TSNARE1: variants seen among roughly 807,000 people sequenced by gnomAD.
TSNARE1 encodes t-SNARE domain-containing protein 1.
TSNARE1 carries 49 observed loss-of-function variants against 62.0 expected under a neutral mutation model. The ratio of observed to expected loss-of-function variants is 0.79; its 90% CI spans 0.63 to 1.00. The LOEUF is 1.00. Among genes scored for constraint, TSNARE1 ranks in the 50% least tolerant of loss-of-function variants. The pLI, the probability that TSNARE1 is intolerant of heterozygous loss-of-function variation, is 0.00. For synonymous variants in TSNARE1, 328 were observed against 294.4 expected (o/e 1.11, Z -1.17); for missense variants, 755 against 700.1 (o/e 1.08, Z -0.88).
chr8:142,275,570 G>A, intron 11 of TSNARE1: 2 of 985,428 alleles, frequency 2.0e-6, no homozygotes, highest in Non-Finnish European at 2.4e-6. Flanking sequence ...CATGCCACCT[G>A]GGCACCAGGA....
chr8:142,331,021 CCT>C, intron 5 of TSNARE1, 51 bp from the exon 6 acceptor site: 1 of 1,545,758 alleles, frequency 6.5e-7, no homozygotes, highest in Middle Eastern at 1.7e-4. Flanking sequence ...TTCCCTGCCC[CCT>C]GCTACTCCAT....
At chr8:142,228,256 CTAAGCTT>C (rs1172827714) in intron 13 of TSNARE1, among the ~76,000 whole-genome samples, 1 of 152,242 alleles carries the variant, frequency 6.6e-6, no homozygotes, top group Non-Finnish European at 1.5e-5. Context: ...GTTTCAGCCA[CTAAGCTT>C]TAAGCTAACT....
intron 12 of TSNARE1, among the ~76,000 whole-genome samples, chr8:142,263,646 A>G (rs13260208): frequency 0.43 from 64,644 of 152,100 alleles, 14,714 homozygotes; most frequent in African/African-American, 0.58. Flanking sequence ...CACCATGGAA[A>G]GAATTTTTCC....
chr8:142,272,781 A>G (rs1263739924), intron 12 of TSNARE1: 1 of 974,210 alleles, frequency 1.0e-6, no homozygotes, highest in African/African-American at 1.8e-5. Flanking sequence ...GACTTCACAG[A>G]CACCTGGTCC....
Position 142,331,836 on chromosome 8 carries a change from G to C in TSNARE1, c.746-5C>G. 3.7e-6 allele frequency: 6 copies of C among 1,606,184 alleles called. No individual in the cohort carries two copies. Among genetic ancestry groups the C allele is most frequent in the Non-Finnish European group, 5.1e-6 (6 of 1,176,390 alleles). On this transcript the variant is annotated splice_polypyrimidine_tract_variant and splice_region_variant and intron_variant, in intron 4 of 13. Transcript: ENST00000524325. ...TGCACGGATCGACCTGGGTGGCTGG[G>C]AGAAGACAGGGAGGAGGAAAGAACA...
intron 13 of TSNARE1, among the ~76,000 whole-genome samples, chr8:142,223,062 A>T (rs1426244337): frequency 6.9e-6 from 1 of 144,826 alleles, no homozygotes; most frequent in Non-Finnish European, 1.5e-5. Flanking sequence ...TCACTCATTC[A>T]CTTACTCGCT....
chr8:142,402,109 A>AGGAGC (rs1838333827), intron 1 of TSNARE1, among the ~76,000 whole-genome samples: 1 of 152,194 alleles, frequency 6.6e-6, no homozygotes, highest in Non-Finnish European at 1.5e-5. Context: ...CCCCCAAGCC[A>AGGAGC]GGAGCGAGCC....
At position 142,300,571 on chromosome 8, in the gene TSNARE1, C is replaced by A. The variant is rs928565167; in HGVS notation, c.1205G>T (p.Gly402Val). 1 of 1,613,346 alleles carries A rather than the reference C, an allele frequency of 6.2e-7. No individual in the cohort carries two copies. Among genetic ancestry groups the A allele is most frequent in the Middle Eastern group, 1.6e-4 (1 of 6,062 alleles). The change falls in exon 10 of 14, where the codon GGC becomes GTC. Residue 402 changes from glycine (G) to valine (V), a missense_variant. Coordinates refer to ENST00000524325, the MANE Select transcript of TSNARE1 (RefSeq NM_145003.5). ...GTCCGGGAGCAGCGCCTGCTCCTGG[C>A]CCTGCCACATGTTGTCACTCCCGTT... ...VFNGSDNMWQGQEQALLPDIT... is the reference protein window; with the variant it reads ...VFNGSDNMWQVQEQALLPDIT...
chr8:142,363,519 C>T (rs1482619169), intron 1 of TSNARE1, among the ~76,000 whole-genome samples: 1 of 152,160 alleles, frequency 6.6e-6, no homozygotes, highest in Admixed American at 6.5e-5. Context: ...CCAGCCCCCA[C>T]AGAGCCCCTT....
chr8:142,222,077 T>C (rs1205781213), intron 13 of TSNARE1, among the ~76,000 whole-genome samples: 99 of 51,842 alleles, frequency 1.9e-3, no homozygotes, highest in East Asian at 2.6e-3. Flanking sequence ...ACTCACTCAC[T>C]CACTCCTTCA....
intron 12 of TSNARE1, among the ~76,000 whole-genome samples, chr8:142,253,154 C>A (rs554437964): frequency 1.3e-5 from 2 of 152,162 alleles, no homozygotes; most frequent in Non-Finnish European, 2.9e-5. Flanking sequence ...GGTGAGAGTG[C>A]GGAGGTGGAC....
intron 1 of TSNARE1, among the ~76,000 whole-genome samples, chr8:142,390,153 A>G (rs1837386557): frequency 6.6e-6 from 1 of 152,280 alleles, no homozygotes; most frequent in Non-Finnish European, 1.5e-5. Flanking sequence ...CGGGGCTTGC[A>G]GGACTAGAAG....
intron 12 of TSNARE1, chr8:142,273,369 C>T (rs1230948685): frequency 4.8e-5 from 47 of 985,252 alleles, no homozygotes; most frequent in Non-Finnish European, 5.5e-5. Flanking sequence ...CCACCTTGCC[C>T]GTCACCAGGC....
intron 12 of TSNARE1, among the ~76,000 whole-genome samples, chr8:142,240,903 C>T (rs770876510): frequency 9.9e-5 from 15 of 152,166 alleles, no homozygotes; most frequent in Non-Finnish European, 1.6e-4. Flanking sequence ...GCTGAAAACT[C>T]GTGGGCCAAG....
chr8:142,362,346 C>T (rs1164606673), intron 1 of TSNARE1, among the ~76,000 whole-genome samples: 6 of 152,222 alleles, frequency 3.9e-5, no homozygotes, highest in Admixed American at 6.5e-5. Flanking sequence ...CCCACGTTGA[C>T]AGCAGTAGGT....
intron 10 of TSNARE1, among the ~76,000 whole-genome samples, chr8:142,288,898 G>C (rs1823280912): frequency 6.6e-6 from 1 of 152,260 alleles, no homozygotes; most frequent in Non-Finnish European, 1.5e-5. Flanking sequence ...ATGGCTCCTA[G>C]CACCATGGGC....
intron 1 of TSNARE1, among the ~76,000 whole-genome samples, chr8:142,396,256 C>T (rs536845101): frequency 7.2e-4 from 110 of 152,298 alleles, no homozygotes; most frequent in African/African-American, 2.3e-3. Flanking sequence ...CACACGCACA[C>T]ACCCGCGCAC....
rs371548102 is a variant in TSNARE1, at chr8:142,274,513, C to T, written c.1446+268G>A. On this transcript the variant is annotated intron_variant, in intron 12 of 13. Coordinates refer to ENST00000524325, the MANE Select transcript of TSNARE1 (RefSeq NM_145003.5). ...AAGGGCCCTCCCCTCGGCTGCACCC[C>T]GGATCCATGGGAGAGGGCGGCGTGG... is the stretch of plus-strand genomic sequence containing the variant. 2.4e-3 allele frequency: 2,400 copies of T among 985,478 alleles called. 4 individuals are homozygous for T. The highest frequency in any genetic ancestry group is 3.7e-3 in the South Asian group (78 of 21,290). 61.0% of individuals were successfully genotyped at this position (985,478 alleles called of 1,614,324 possible).
chr8:142,255,902 T>C (rs1818473952), intron 12 of TSNARE1, among the ~76,000 whole-genome samples: 1 of 612 alleles, frequency 1.6e-3, no homozygotes, highest in African/African-American at 3.2e-3. Context: ...ACCACCACTG[T>C]CACCATCACC....
Sources: gnomAD v4.1 joint callset for allele counts (sites outside exome capture counted in the v4.1 genomes callset) on GRCh38, gnomAD v4.1.1 for gene constraint, MANE v1.5 for transcripts, NCBI Gene and HGNC (gene_info 2026-07-23, HGNC 2026-07-21) for gene names.